TENM4: variants seen among roughly 807,000 people sequenced by gnomAD.
The protein encoded by TENM4 is teneurin-4.
A neutral mutation model predicts 243.3 loss-of-function variants in TENM4; 82 were observed. The observed-to-expected ratio is 0.34, with a 90% CI of 0.28 to 0.40. The LOEUF (loss-of-function observed/expected upper bound fraction) is 0.40. TENM4 is among the 10% of genes least tolerant of loss of function. TENM4 has a pLI of 1.00. For missense variants in TENM4, 3,138 were observed against 3,673.3 expected, an observed-to-expected ratio of 0.85 and a Z score of 3.77; for synonymous variants, 1,412 against 1,456.3, an observed-to-expected ratio of 0.97 and a Z score of 0.69.
intron 9 of TENM4, among the ~76,000 whole-genome samples, chr11:78,884,408 A>G (rs990437901): frequency 1.3e-5 from 2 of 152,140 alleles, no homozygotes; most frequent in Non-Finnish European, 2.9e-5. Flanking sequence ...AGCAAGTGAT[A>G]CAGCCAGGGT....
At chr11:79,164,113 A>G in intron 3 of TENM4, among the ~76,000 whole-genome samples, 1 of 60,388 alleles carries the variant, frequency 1.7e-5, no homozygotes, top group East Asian at 4.6e-4. Context: ...TATATACACT[A>G]TATATACTAT....
chr11:79,394,499 T>A (rs1334471388), intron 1 of TENM4, among the ~76,000 whole-genome samples: 1 of 152,166 alleles, frequency 6.6e-6, no homozygotes, highest in Admixed American at 6.5e-5. Context: ...ACCCTTAGGG[T>A]TAGTGTGAGA....
chr11:79,026,381 G>A (rs1237872546), intron 6 of TENM4, among the ~76,000 whole-genome samples: 1 of 152,168 alleles, frequency 6.6e-6, no homozygotes, highest in Non-Finnish European at 1.5e-5. Flanking sequence ...TGATCAGGTA[G>A]CAGGGAACTA....
chr11:79,034,313 T>C (rs1466614621), intron 6 of TENM4, among the ~76,000 whole-genome samples: 1 of 152,220 alleles, frequency 6.6e-6, no homozygotes, highest in Non-Finnish European at 1.5e-5. Context: ...CTGAGTTCAC[T>C]GTCTTTCCTT....
intron 6 of TENM4, among the ~76,000 whole-genome samples, chr11:79,027,895 C>T (rs1239834469): frequency 6.6e-6 from 1 of 152,118 alleles, no homozygotes; most frequent in Non-Finnish European, 1.5e-5. Flanking sequence ...AACACGCTTG[C>T]AATGTAGGTA....
intron 7 of TENM4, among the ~76,000 whole-genome samples, chr11:78,896,331 T>G (rs1038283044): frequency 6.6e-6 from 1 of 151,976 alleles, no homozygotes; most frequent in Non-Finnish European, 1.5e-5. Context: ...ACAGAGTTAG[T>G]GATGGGGCTG....
At position 79,069,800 on chromosome 11, in the gene TENM4, C is replaced by T. The variant is rs1450526627; in HGVS notation, c.145G>A (p.Asp49Asn). The T allele has an allele frequency of 1.9e-6, 3 of 1,551,212 alleles. No individual in the cohort carries two copies. The highest frequency in any genetic ancestry group is 1.2e-5 in the South Asian group (1 of 84,062). The change falls in exon 5 of 34, where the codon GAC (aspartate) becomes AAC (asparagine). Residue 49 changes from aspartate to asparagine, a missense_variant. Transcript: ENST00000278550. ...CCATAGGCTAGGCGGGCGTCCTGGTCGTAGGCCTTCAGGGTCTCGCTGGAG... is the reference window on the plus strand; with the variant it reads ...CCATAGGCTAGGCGGGCGTCCTGGTTGTAGGCCTTCAGGGTCTCGCTGGAG... Reference protein sequence around the residue: ...YSSSETLKAYDQDARLAYGSR... With the variant: ...YSSSETLKAYNQDARLAYGSR...
chr11:78,812,088 G>C (rs377339389), intron 14 of TENM4, 34 bp downstream of exon 14: 49 of 1,540,138 alleles, frequency 3.2e-5, no homozygotes, highest in Non-Finnish European at 4.1e-5. Flanking sequence ...CTATCTCAGA[G>C]GAAGGTGCCG....
At chr11:79,374,164 C>T (rs895925431) in intron 1 of TENM4, among the ~76,000 whole-genome samples, 1 of 152,106 alleles carries the variant, frequency 6.6e-6, no homozygotes, top group African/African-American at 2.4e-5. Flanking sequence ...CTTTGAGGAC[C>T]GAAATCTTCA....
chr11:79,356,912 T>C (rs1857506463), intron 1 of TENM4, among the ~76,000 whole-genome samples: 1 of 152,172 alleles, frequency 6.6e-6, no homozygotes, highest in African/African-American at 2.4e-5. Flanking sequence ...AGAGATTTCC[T>C]TTTTTTGATG....
intron 30 of TENM4, among the ~76,000 whole-genome samples, chr11:78,674,787 C>T (rs895942772): frequency 2.6e-5 from 4 of 152,052 alleles, no homozygotes; most frequent in East Asian, 1.9e-4. Flanking sequence ...AGGGAACAAA[C>T]GAAGCCTGGT....
intron 3 of TENM4, among the ~76,000 whole-genome samples, chr11:79,164,556 C>CTATATATACTATATACTATATATATACA (rs1565231387): frequency 6.4e-5 from 9 of 140,932 alleles, no homozygotes; most frequent in Non-Finnish European, 7.6e-5. Flanking sequence ...TATCTATATA[C>CTATATATACTATATACTATATATATACA]TATATATACT....
chr11:79,380,093 C>T (rs1420642688), intron 1 of TENM4, among the ~76,000 whole-genome samples: 1 of 152,102 alleles, frequency 6.6e-6, no homozygotes, highest in Non-Finnish European at 1.5e-5. Flanking sequence ...GTCTACAGAA[C>T]CTCCTTCCCC....
chr11:78,845,728 A>C (rs186897856), intron 12 of TENM4, among the ~76,000 whole-genome samples: 27 of 152,330 alleles, frequency 1.8e-4, no homozygotes, highest in African/African-American at 6.0e-4. Flanking sequence ...TCAGTGGAAA[A>C]GCCAGCTGGC....
intron 19 of TENM4, among the ~76,000 whole-genome samples, chr11:78,740,191 A>G (rs1590983602): frequency 6.6e-6 from 1 of 152,168 alleles, no homozygotes; most frequent in Non-Finnish European, 1.5e-5. Flanking sequence ...AAATTCAGTA[A>G]CTGCCGTATG....
intron 2 of TENM4, among the ~76,000 whole-genome samples, chr11:79,288,420 A>T (rs910101349): frequency 1.3e-5 from 2 of 152,156 alleles, no homozygotes; most frequent in Non-Finnish European, 2.9e-5. Context: ...AACTCTTATC[A>T]CTCTGCAGTT....
intron 1 of TENM4, among the ~76,000 whole-genome samples, chr11:79,384,463 G>A (rs150308229): frequency 4.1e-4 from 63 of 152,216 alleles, no homozygotes; most frequent in African/African-American, 1.3e-3. Context: ...TCTGCTGACC[G>A]TGCCAGATTC....
At chr11:79,098,988 AT>A (rs1861154177) in intron 4 of TENM4, among the ~76,000 whole-genome samples, 1 of 152,218 alleles carries the variant, frequency 6.6e-6, no homozygotes, top group Non-Finnish European at 1.5e-5. Flanking sequence ...AAGATGACAC[AT>A]GTAAAAATGG....
chr11:79,274,804 G>T (rs947140948), intron 2 of TENM4, among the ~76,000 whole-genome samples: 6 of 152,178 alleles, frequency 3.9e-5, no homozygotes, highest in Non-Finnish European at 7.3e-5. Flanking sequence ...ACTTAGTTTG[G>T]CTGGGAAATG....
Sources: allele counts gnomAD v4.1 joint callset (sites outside exome capture counted in the v4.1 genomes callset), GRCh38; gene constraint gnomAD v4.1.1; transcripts MANE v1.5; gene names NCBI Gene and HGNC (gene_info 2026-07-23, HGNC 2026-07-21).